The following RIT2 variants were observed in gnomAD, a reference collection of about 807,000 sequenced individuals.
The protein encoded by RIT2 is Ras like without CAAX 2, also known as GTP-binding protein Rit2.
RIT2 carries 24 observed loss-of-function variants against 23.7 expected under a neutral mutation model. That is an observed-to-expected ratio of 1.01 (90% CI 0.73 to 1.43). The LOEUF (loss-of-function observed/expected upper bound fraction) is 1.43. RIT2 is among the 40% of genes most tolerant of loss of function. RIT2 has a pLI of 0.00. For synonymous variants in RIT2, 107 were observed against 91.1 expected (o/e 1.17, Z -0.99); for missense variants, 236 against 266.9 (o/e 0.88, Z 0.81).
intron 2 of RIT2, among the ~76,000 whole-genome samples, chr18:43,015,798 G>A (rs1911461331): frequency 6.6e-6 from 1 of 151,546 alleles, no homozygotes; most frequent in Non-Finnish European, 1.5e-5. Context: ...CCCCAAAAAG[G>A]GCATAATCAC....
chr18:43,039,737 C>T (rs1347880443), intron 1 of RIT2, among the ~76,000 whole-genome samples: 1 of 152,076 alleles, frequency 6.6e-6, no homozygotes, highest in Non-Finnish European at 1.5e-5. Flanking sequence ...TACTTTGGCT[C>T]TGCGGAAGGA....
chr18:42,974,230 TA>T lies in RIT2; in HGVS notation c.161-84del, dbSNP rs111755973. ...TTTAGATTTCATATAGAAGAATTTC[TA>T]AGTAAGTTACTAAGATAATTAGAAA... On this transcript the variant is annotated intron_variant, in intron 2 of 4. Transcript: ENST00000326695. 8.9e-3 allele frequency: 7,597 copies of T among 854,114 alleles called. 360 individuals are homozygous for T. The African/African-American group carries it at 0.11, about 12-fold the overall frequency. The allele number at this position is 854,114 out of a possible 1,614,324, so 52.9% of individuals were successfully genotyped here.
chr18:42,792,330 C>A (rs964757103), intron 4 of RIT2, among the ~76,000 whole-genome samples: 11 of 152,114 alleles, frequency 7.2e-5, no homozygotes, highest in African/African-American at 2.2e-4. Flanking sequence ...TGCTTAATGG[C>A]ATCAGAGCTT....
At chr18:42,787,143 C>T (rs1007433955) in intron 4 of RIT2, among the ~76,000 whole-genome samples, 3 of 109,672 alleles carry the variant, frequency 2.7e-5, no homozygotes, top group South Asian at 7.5e-4. Flanking sequence ...CCCCACCCCA[C>T]GACAGGCTCC....
intron 4 of RIT2, among the ~76,000 whole-genome samples, chr18:42,887,644 G>A (rs1908058552): frequency 6.6e-6 from 1 of 152,118 alleles, no homozygotes; most frequent in Non-Finnish European, 1.5e-5. Flanking sequence ...ATGCAACCCA[G>A]CAATCAAGCT....
intron 4 of RIT2, among the ~76,000 whole-genome samples, chr18:42,826,326 T>C (rs1438962585): frequency 6.6e-6 from 1 of 152,110 alleles, no homozygotes; most frequent in Non-Finnish European, 1.5e-5. Flanking sequence ...GGCCAGAATA[T>C]GAACATCGGG....
intron 1 of RIT2, among the ~76,000 whole-genome samples, chr18:43,095,542 C>A (rs991324421): frequency 1.3e-5 from 2 of 151,876 alleles, no homozygotes; most frequent in Admixed American, 1.3e-4. Flanking sequence ...TAGACAAGTA[C>A]ACAAAATAAA....
chr18:42,916,932 T>C (rs1017290443), intron 4 of RIT2, among the ~76,000 whole-genome samples: 3 of 152,086 alleles, frequency 2.0e-5, no homozygotes, highest in African/African-American at 7.2e-5. Context: ...CAACAGAGTC[T>C]TTACCAAACT....
intron 3 of RIT2, among the ~76,000 whole-genome samples, chr18:42,926,512 G>A (rs1251059283): frequency 6.6e-6 from 1 of 151,868 alleles, no homozygotes; most frequent in African/African-American, 2.4e-5. Flanking sequence ...AAAGAGTAAA[G>A]CATTTGACTA....
At chr18:43,113,701 G>A (rs1483202122) in intron 1 of RIT2, among the ~76,000 whole-genome samples, 1 of 152,100 alleles carries the variant, frequency 6.6e-6, no homozygotes, top group African/African-American at 2.4e-5. Flanking sequence ...TTTCATTTAG[G>A]TGGAATAAAT....
chr18:43,076,142 T>C (rs1211957065), intron 1 of RIT2, among the ~76,000 whole-genome samples: 3 of 152,210 alleles, frequency 2.0e-5, no homozygotes, highest in Non-Finnish European at 4.4e-5. Context: ...TACTTACAGC[T>C]TCACATTATT....
chr18:43,115,638 C>A lies in RIT2; in HGVS notation c.-119G>T. Reference sequence around the variant, plus strand: ...CAAAGGTTTTAGTACGAGGTAAGAACCATCAGCGTCGGGCTGGCTGCTGGT... The same window carrying A: ...CAAAGGTTTTAGTACGAGGTAAGAAACATCAGCGTCGGGCTGGCTGCTGGT... On this transcript the variant is annotated 5_prime_UTR_variant, in exon 1 of 5. Coordinates refer to ENST00000326695, the MANE Select transcript of RIT2 (RefSeq NM_002930.4). 2.2e-6 allele frequency: 3 copies of A among 1,391,276 alleles called. No homozygotes were observed. The highest frequency in any genetic ancestry group is 2.8e-6 in the Non-Finnish European group (3 of 1,064,612). The allele number at this position is 1,391,276 out of a possible 1,614,324, so 86.2% of individuals were successfully genotyped here. A position where few individuals can be genotyped will look rare whatever the true frequency, so the allele number is the denominator to read the frequency against.
chr18:42,835,893 T>C (rs886229734), intron 4 of RIT2, among the ~76,000 whole-genome samples: 2 of 152,216 alleles, frequency 1.3e-5, no homozygotes, highest in African/African-American at 2.4e-5. Context: ...AAATATAAAA[T>C]TGTTTATCTC....
intron 3 of RIT2, among the ~76,000 whole-genome samples, chr18:42,962,311 G>C (rs530808190): frequency 4.6e-5 from 7 of 152,208 alleles, no homozygotes; most frequent in African/African-American, 1.7e-4. Flanking sequence ...TTTTAAAAAC[G>C]GGAAGAGGAA....
chr18:42,984,017 CAT>C (rs1910653136), intron 2 of RIT2, among the ~76,000 whole-genome samples: 2 of 151,966 alleles, frequency 1.3e-5, no homozygotes, highest in Non-Finnish European at 2.9e-5. Flanking sequence ...CTATATGTAT[CAT>C]ATAAAATAGC....
chr18:42,829,715 CAG>C (rs1284288719), intron 4 of RIT2, among the ~76,000 whole-genome samples: 1 of 151,766 alleles, frequency 6.6e-6, no homozygotes. Context: ...TAACAAGGAG[CAG>C]AGAGAATATA....
intron 4 of RIT2, among the ~76,000 whole-genome samples, chr18:42,773,589 G>A (rs1456390412): frequency 6.6e-6 from 1 of 152,140 alleles, no homozygotes; most frequent in African/African-American, 2.4e-5. Context: ...TACATGCTGG[G>A]TGAGTAGTAT....
chr18:43,071,320 T>C, intron 1 of RIT2, among the ~76,000 whole-genome samples: 1 of 152,216 alleles, frequency 6.6e-6, no homozygotes, highest in Admixed American at 6.5e-5. Context: ...CTCTAAGCTG[T>C]ATATATCAAA....
At chr18:42,985,707 A>G (rs1910693010) in intron 2 of RIT2, among the ~76,000 whole-genome samples, 1 of 152,130 alleles carries the variant, frequency 6.6e-6, no homozygotes, top group Admixed American at 6.6e-5. Flanking sequence ...TTGGGAAATA[A>G]TGGAATTTGC....
Sources: gnomAD v4.1 joint callset for allele counts (sites outside exome capture counted in the v4.1 genomes callset) on GRCh38, gnomAD v4.1.1 for gene constraint, MANE v1.5 for transcripts, NCBI Gene and HGNC (gene_info 2026-07-23, HGNC 2026-07-21) for gene names.